YAF2: variants seen among roughly 807,000 people sequenced by gnomAD.
YAF2 encodes the protein YY1-associated factor 2.
YAF2 carries 7 observed loss-of-function variants against 20.1 expected under a neutral mutation model. The ratio of observed to expected loss-of-function variants is 0.35; its 90% CI spans 0.20 to 0.65. YAF2 has a LOEUF of 0.65. Among genes scored for constraint, YAF2 ranks in the 30% least tolerant of loss-of-function variants. The pLI is 0.69. For missense variants in YAF2, 151 were observed against 219.2 expected, an observed-to-expected ratio of 0.69 and a Z score of 1.96; for synonymous variants, 74 against 76.0, an observed-to-expected ratio of 0.97 and a Z score of 0.14.
chr12:42,193,348 T>C (rs1324941149), intron 2 of YAF2, among the ~76,000 whole-genome samples: 1 of 151,876 alleles, frequency 6.6e-6, no homozygotes, highest in Non-Finnish European at 1.5e-5. Context: ...CACATGCAAT[T>C]ACGTATAGTC....
At chr12:42,223,044 T>C (rs2137317323) in intron 2 of YAF2, among the ~76,000 whole-genome samples, 1 of 152,264 alleles carries the variant, frequency 6.6e-6, no homozygotes, top group Middle Eastern at 3.4e-3. Context: ...GTGCTCAGAA[T>C]GTTTTCCTAT....
intron 2 of YAF2, among the ~76,000 whole-genome samples, chr12:42,196,353 G>A (rs1220843481): frequency 6.6e-6 from 1 of 152,068 alleles, no homozygotes; most frequent in African/African-American, 2.4e-5. Context: ...ATATGGCTGG[G>A]ACATGACTTT....
At chr12:42,217,394 A>G (rs1208026331) in intron 2 of YAF2, among the ~76,000 whole-genome samples, 1 of 152,184 alleles carries the variant, frequency 6.6e-6, no homozygotes, top group African/African-American at 2.4e-5. Context: ...GTGGGGAGAC[A>G]ATTAACATCC....
chr12:42,228,100 G>A (rs1592056246), intron 2 of YAF2, among the ~76,000 whole-genome samples: 2 of 93,184 alleles, frequency 2.1e-5, no homozygotes, highest in African/African-American at 9.2e-5. Flanking sequence ...CTACTGGGAA[G>A]TGAGGAGCCC....
At position 42,168,001 on chromosome 12, in the gene YAF2, A is replaced by G. The variant is rs79333562; in HGVS notation, c.153-6236T>C. Among the ~76,000 whole-genome samples, 1,067 of 152,280 alleles carry G rather than the reference A, an allele frequency of 7.0e-3. 39 individuals are homozygous for G. The East Asian group carries it at 0.085, about 12-fold the overall frequency. On this transcript the variant is annotated intron_variant, in intron 2 of 3. Transcript: ENST00000534854. ...ATAAAATAATGAATGTTAAAAATGTATATACTGTAAGTTATAAAATACTTT... is the reference window on the plus strand; with the variant it reads ...ATAAAATAATGAATGTTAAAAATGTGTATACTGTAAGTTATAAAATACTTT...
chr12:42,182,213 G>A (rs2066360785), intron 2 of YAF2, among the ~76,000 whole-genome samples: 1 of 152,094 alleles, frequency 6.6e-6, no homozygotes. Context: ...AATTCACAAA[G>A]TTCATGATAT....
chr12:42,168,508 A>C (rs2065969096), intron 2 of YAF2, among the ~76,000 whole-genome samples: 1 of 152,186 alleles, frequency 6.6e-6, no homozygotes. Context: ...ATGTCATAAA[A>C]TTTAAGCAGG....
chr12:42,176,375 C>A (rs2066193419), intron 2 of YAF2, among the ~76,000 whole-genome samples: 1 of 152,046 alleles, frequency 6.6e-6, no homozygotes, highest in African/African-American at 2.4e-5. Context: ...CCTGCCTCAG[C>A]CACCCAAAGT....
intron 2 of YAF2, among the ~76,000 whole-genome samples, chr12:42,228,856 CCCT>C (rs2067879833): frequency 3.1e-5 from 2 of 65,322 alleles, no homozygotes; most frequent in African/African-American, 2.9e-4. Flanking sequence ...GCCCGGCCAC[CCCT>C]ACTGGGAAGT....
At chr12:42,168,751 T>C (rs913026953) in intron 2 of YAF2, among the ~76,000 whole-genome samples, 2 of 152,282 alleles carry the variant, frequency 1.3e-5, no homozygotes, top group East Asian at 1.9e-4. Context: ...ATACAAACTC[T>C]AGATCTAAGG....
At chr12:42,163,833 C>T (rs544263579) in intron 2 of YAF2, among the ~76,000 whole-genome samples, 4 of 152,210 alleles carry the variant, frequency 2.6e-5, no homozygotes, top group South Asian at 2.1e-4. Flanking sequence ...TTTACAACAT[C>T]GTAAGTCACT....
intron 2 of YAF2, chr12:42,235,279 T>C: frequency 1.0e-6 from 1 of 998,928 alleles, no homozygotes; most frequent in Non-Finnish European, 1.2e-6. Flanking sequence ...TGTTCATTAA[T>C]AAGTCAATTA....
At chr12:42,167,489 A>G (rs2065943044) in intron 2 of YAF2, among the ~76,000 whole-genome samples, 1 of 152,238 alleles carries the variant, frequency 6.6e-6, no homozygotes, top group Non-Finnish European at 1.5e-5. Context: ...AACAAAACAT[A>G]AAGTATCAAA....
chr12:42,215,658 C>T (rs968696777), intron 2 of YAF2, among the ~76,000 whole-genome samples: 3 of 151,588 alleles, frequency 2.0e-5, no homozygotes, highest in Non-Finnish European at 2.9e-5. Context: ...CATGGTGGCT[C>T]ACACCTATAA....
Position 42,234,824 on chromosome 12 carries a change from C to CA in YAF2, c.152+2774dup, listed in dbSNP as rs528808915. ...GCAACATAGAGATCCCCCATCTCTA[C>CA]AAAAAATAAGAAAATTAGCCACACA... On this transcript the variant is annotated intron_variant, in intron 2 of 3. Transcript: ENST00000534854. 2.4e-4 allele frequency: 187 copies of CA among 769,056 alleles called. No homozygotes were observed. The African/African-American group carries it at 3.3e-3, about 13-fold the overall frequency. 47.6% of individuals were successfully genotyped at this position (769,056 alleles called of 1,614,324 possible).
At chr12:42,169,152 A>G (rs938638115) in intron 2 of YAF2, among the ~76,000 whole-genome samples, 2 of 152,126 alleles carry the variant, frequency 1.3e-5, no homozygotes, top group African/African-American at 4.8e-5. Flanking sequence ...AAGAAACCAT[A>G]CTAAGGTCAC....
At chr12:42,230,289 GAAGAAAGA>G (rs370911719) in intron 2 of YAF2, among the ~76,000 whole-genome samples, 2 of 150,534 alleles carry the variant, frequency 1.3e-5, no homozygotes, top group East Asian at 3.9e-4. Flanking sequence ...AGAAGAAAGA[GAAGAAAGA>G]AAGAAAGAGA....
chr12:42,186,907 T>C (rs1391015047), intron 2 of YAF2, among the ~76,000 whole-genome samples: 1 of 152,162 alleles, frequency 6.6e-6, no homozygotes, highest in Non-Finnish European at 1.5e-5. Context: ...CAGAATTATC[T>C]GAGCAAGCCA....
At chr12:42,218,372 C>T (rs2137285673) in intron 2 of YAF2, among the ~76,000 whole-genome samples, 1 of 152,178 alleles carries the variant, frequency 6.6e-6, no homozygotes, top group African/African-American at 2.4e-5. Flanking sequence ...GGTTTGTCTG[C>T]TCGTAAATGT....
Sources: allele counts gnomAD v4.1 joint callset (sites outside exome capture counted in the v4.1 genomes callset), GRCh38; gene constraint gnomAD v4.1.1; transcripts MANE v1.5; gene names NCBI Gene and HGNC (gene_info 2026-07-23, HGNC 2026-07-21).